Variants in ADCY5 observed in about 807,000 individuals in gnomAD.
The protein encoded by ADCY5 is adenylate cyclase type 5.
Under a neutral mutation model 119.7 loss-of-function variants are expected in ADCY5, and 30 were observed. The observed-to-expected ratio is 0.25, with a 90% CI of 0.19 to 0.34. ADCY5 has a LOEUF of 0.34. ADCY5 is among the 10% of genes least tolerant of loss of function. The pLI, the probability that ADCY5 is intolerant of heterozygous loss-of-function variation, is 1.00. For missense variants in ADCY5, 1,324 were observed against 1,775.2 expected (o/e 0.75, Z 4.57); for synonymous variants, 753 against 762.2 (o/e 0.99, Z 0.20).
At chr3:123,304,504 G>A (rs569297146) in intron 12 of ADCY5, among the ~76,000 whole-genome samples, 8 of 152,258 alleles carry the variant, frequency 5.3e-5, no homozygotes, top group East Asian at 3.9e-4. Context: ...ACATTGACCC[G>A]CTGTGTGCCA....
In ADCY5 at chr3:123,297,229, G is replaced by C; in HGVS notation, c.2930+124C>G. The C allele has an allele frequency of 2.1e-6, 3 of 1,431,920 alleles. No homozygotes were observed. In the South Asian group the frequency reaches 3.4e-5, roughly 16 times the overall value. 88.7% of individuals were successfully genotyped at this position (1,431,920 alleles called of 1,614,324 possible). ...CAGGAGGAACCAGCCTCCCTGTCCT[G>C]TTGGCCTTCTCCTTCACTACCCACC... On this transcript the variant is annotated intron_variant, in intron 16 of 20. Coordinates refer to ENST00000462833, the MANE Select transcript of ADCY5 (RefSeq NM_183357.3).
intron 1 of ADCY5, chr3:123,419,063 G>T: frequency 2.4e-6 from 2 of 836,316 alleles, no homozygotes; most frequent in Non-Finnish European, 2.9e-6. Context: ...GTAACGGCAT[G>T]AGCCAATCCC....
In ADCY5 at chr3:123,286,962, G is replaced by A. The variant is rs1045933345; in HGVS notation, c.3533-153C>T. On this transcript the variant is annotated intron_variant, in intron 19 of 20. Coordinates refer to ENST00000462833, the MANE Select transcript of ADCY5 (RefSeq NM_183357.3). This position sits in a 1 kb window ranked among gnomAD's most constrained non-coding sequence, Gnocchi z 4.2. ...GCTGTGCTAAACCCTGCAGCCTCCC[G>A]CTACCCTGCTCCTGTCAAATGCCTG... 34 of 1,029,774 alleles carry A rather than the reference G, an allele frequency of 3.3e-5. No homozygotes were observed. Among genetic ancestry groups the A allele is most frequent in the African/African-American group, 9.8e-5 (6 of 61,276 alleles). 63.8% of individuals were successfully genotyped at this position (1,029,774 alleles called of 1,614,324 possible).
chr3:123,421,365 C>T (rs1007960546), intron 1 of ADCY5, among the ~76,000 whole-genome samples: 1 of 152,174 alleles, frequency 6.6e-6, no homozygotes, highest in African/African-American at 2.4e-5. Flanking sequence ...CAAGGTTGTA[C>T]AGTACATGAA....
At chr3:123,337,329 T>C (rs1302867225) in intron 3 of ADCY5, among the ~76,000 whole-genome samples, 1 of 152,210 alleles carries the variant, frequency 6.6e-6, no homozygotes, top group African/African-American at 2.4e-5. Context: ...GCCTCTGCTC[T>C]GCACCCTGCC....
At chr3:123,327,294 G>A (rs1274891215) in intron 7 of ADCY5, among the ~76,000 whole-genome samples, 1 of 152,166 alleles carries the variant, frequency 6.6e-6, no homozygotes, top group Non-Finnish European at 1.5e-5. Context: ...AAAGGCAAAT[G>A]AAAAGGAGAG....
rs138063533 is a variant in ADCY5 at position 123,437,396 on chromosome 3, T to C, written c.1134+10016A>G. On this transcript the variant is annotated intron_variant, in intron 1 of 20. Coordinates refer to ENST00000462833, the MANE Select transcript of ADCY5 (RefSeq NM_183357.3). Reference sequence around the variant, plus strand: ...CTCAGGTTCCAGGTTCAGCTGGAAGTCTGGCTGGTATGAGTGAAAGGTACA... The same window carrying C: ...CTCAGGTTCCAGGTTCAGCTGGAAGCCTGGCTGGTATGAGTGAAAGGTACA... Among the ~76,000 whole-genome samples the C allele has an allele frequency of 2.6e-3, 401 of 152,218 alleles. 1 individual carries two copies. Among genetic ancestry groups the C allele is most frequent in the African/African-American group, 8.4e-3 (349 of 41,548 alleles).
In ADCY5 at chr3:123,348,036, A is replaced by AGCGTGT. The variant is rs1553732238; in HGVS notation, c.1285-134_1285-133insACACGC. 2.1e-5 allele frequency: 10 copies of AGCGTGT among 468,640 alleles called. No homozygotes were observed. The African/African-American group carries it at 2.7e-4, about 13-fold the overall frequency. The allele number at this position is 468,640 out of a possible 1,614,324, so 29.0% of individuals were successfully genotyped here. A position where few individuals can be genotyped will look rare whatever the true frequency, so the allele number is the denominator to read the frequency against. On this transcript the variant is annotated intron_variant, in intron 2 of 20. Transcript: ENST00000462833. ...GCTCTCCCGGGACTCCTGGGTTAAC[A>AGCGTGT]GTGTGTGTGTGTGTGTGTGTGTGTG...
At position 123,448,417 on chromosome 3, in the gene ADCY5, G is replaced by A. The variant is rs1238540034; in HGVS notation, c.129C>T (p.Pro43=). 1 of 1,384,150 alleles carries A rather than the reference G, an allele frequency of 7.2e-7. No homozygotes were observed. 85.7% of individuals were successfully genotyped at this position (1,384,150 alleles called of 1,614,324 possible). A position where few individuals can be genotyped will look rare whatever the true frequency, so the allele number is the denominator to read the frequency against. Residue 43 remains proline, a synonymous_variant, in exon 1 of 21, where the codon CCC becomes CCT. Coordinates refer to ENST00000462833, the MANE Select transcript of ADCY5 (RefSeq NM_183357.3). ...GEADSRANGY[P]HAPGGSARGS... ...CGCGGGCAGAGCCCCCGGGGGCATG[G>A]GGGTAGCCATTCGCGCGGGAATCGG... is the stretch of plus-strand genomic sequence containing the variant.
At chr3:123,403,249 A>G (rs1944820852) in intron 1 of ADCY5, among the ~76,000 whole-genome samples, 1 of 152,086 alleles carries the variant, frequency 6.6e-6, no homozygotes, top group Non-Finnish European at 1.5e-5. Context: ...GTGTAGTGGC[A>G]CACATCTGTG....
chr3:123,391,932 C>A (rs182841616), intron 1 of ADCY5, among the ~76,000 whole-genome samples: 34 of 152,320 alleles, frequency 2.2e-4, no homozygotes, highest in Non-Finnish European at 3.4e-4. Context: ...TCATCTCCGT[C>A]CCAGGGGTAC....
intron 1 of ADCY5, among the ~76,000 whole-genome samples, chr3:123,371,616 C>T (rs9858997): frequency 0.23 from 35,014 of 152,232 alleles, 4,244 homozygotes; most frequent in African/African-American, 0.27. Flanking sequence ...ACATGGCAGC[C>T]GGTATCTCTC....
chr3:123,302,630 G>A (rs533826190), intron 14 of ADCY5, among the ~76,000 whole-genome samples: 2 of 152,276 alleles, frequency 1.3e-5, no homozygotes, highest in Non-Finnish European at 2.9e-5. Flanking sequence ...TCTGGAGCTG[G>A]ACAACTTGAA....
intron 3 of ADCY5, among the ~76,000 whole-genome samples, chr3:123,334,001 T>C (rs1489794272): frequency 6.6e-6 from 1 of 152,180 alleles, no homozygotes; most frequent in Non-Finnish European, 1.5e-5. Flanking sequence ...GATAGATCTT[T>C]CACCCGTCCC....
intron 1 of ADCY5, among the ~76,000 whole-genome samples, chr3:123,375,622 C>A (rs1018546149): frequency 6.6e-5 from 10 of 152,240 alleles, no homozygotes; most frequent in African/African-American, 2.4e-4. Flanking sequence ...GAGTCTGCCC[C>A]AAGAATGCTC....
rs770886606 is a variant in ADCY5, at chr3:123,352,571, T to C, written c.1145A>G (p.Asn382Ser). Reference sequence around the variant, plus strand: ...GTTGGTGCAGGAGAAAATGAGAACATTGGAGACAAGCTGCAGAGGGAGAGA... The same window carrying C: ...GTTGGTGCAGGAGAAAATGAGAACACTGGAGACAAGCTGCAGAGGGAGAGA... ...DQFLLKQLVS[N>S]VLIFSCTNIV... The change falls in exon 2 of 21, where the codon AAT becomes AGT. Residue 382 changes from asparagine (N) to serine (S), a missense_variant. This residue lies in a region of ADCY5 where 585 missense variants were observed against 569.9 expected (regional missense o/e 1.03). Coordinates refer to ENST00000462833, the MANE Select transcript of ADCY5 (RefSeq NM_183357.3). This position sits in a 1 kb window ranked among gnomAD's most constrained non-coding sequence, Gnocchi z 4.8. 4.3e-6 allele frequency: 7 copies of C among 1,609,778 alleles called. No individual in the cohort carries two copies. In the South Asian group the frequency reaches 4.4e-5, roughly 10 times the overall value.
At chr3:123,374,306 GC>G (rs1233697378) in intron 1 of ADCY5, among the ~76,000 whole-genome samples, 1 of 152,134 alleles carries the variant, frequency 6.6e-6, no homozygotes, top group African/African-American at 2.4e-5. Flanking sequence ...CAGTCAAATG[GC>G]CCAGATGGTG....
chr3:123,396,723 GAGGGAGGAAGGA>G (rs1179457732), intron 1 of ADCY5, among the ~76,000 whole-genome samples: 16 of 94,948 alleles, frequency 1.7e-4, no homozygotes, highest in African/African-American at 7.1e-4. Flanking sequence ...AGAGAGAAGG[GAGGGAGGAAGGA>G]AGGAAGGAAG....
chr3:123,388,500 A>G (rs754764769), intron 1 of ADCY5, among the ~76,000 whole-genome samples: 6 of 152,118 alleles, frequency 3.9e-5, no homozygotes, highest in Non-Finnish European at 7.4e-5. Context: ...CCAGGGAGCA[A>G]TAACTAACAG....
Sources: allele counts gnomAD v4.1 joint callset (sites outside exome capture counted in the v4.1 genomes callset), GRCh38; gene constraint gnomAD v4.1.1; regional missense constraint gnomAD v4.1.1; non-coding constraint Gnocchi (gnomAD v3.1); transcripts MANE v1.5; gene names NCBI Gene and HGNC (gene_info 2026-07-23, HGNC 2026-07-21).